The following MND1 variants were observed in gnomAD, a reference collection of about 807,000 sequenced individuals.
MND1 encodes the protein meiotic nuclear division protein 1 homolog.
MND1 carries 28 observed loss-of-function variants against 35.1 expected under a neutral mutation model. The ratio of observed to expected loss-of-function variants is 0.80; its 90% CI spans 0.59 to 1.09. MND1 has a LOEUF of 1.09. MND1 is among the 50% of genes least tolerant of loss of function. The pLI is 0.00. For synonymous variants in MND1, 69 were observed against 70.5 expected (o/e 0.98, Z 0.11); for missense variants, 213 against 239.6 (o/e 0.89, Z 0.73).
chr4:153,390,573 G>A (rs993750754), intron 4 of MND1, among the ~76,000 whole-genome samples: 53 of 152,256 alleles, frequency 3.5e-4, no homozygotes, highest in African/African-American at 1.3e-3. Context: ...CTGGCTGGGT[G>A]TGGTGACTCA....
At chr4:153,409,490 C>T (rs1729621827) in intron 7 of MND1, among the ~76,000 whole-genome samples, 1 of 151,758 alleles carries the variant, frequency 6.6e-6, no homozygotes, top group African/African-American at 2.4e-5. Flanking sequence ...GATTATTATC[C>T]CTAATTTAGG....
At chr4:153,374,986 AC>A (rs1728460043) in intron 4 of MND1, among the ~76,000 whole-genome samples, 1 of 152,166 alleles carries the variant, frequency 6.6e-6, no homozygotes, top group Non-Finnish European at 1.5e-5. Flanking sequence ...CAGAGAATTT[AC>A]ACTTTAATTG....
chr4:153,356,042 C>T (rs2149631778), intron 3 of MND1, among the ~76,000 whole-genome samples: 1 of 152,262 alleles, frequency 6.6e-6, no homozygotes, highest in East Asian at 1.9e-4. Flanking sequence ...GTAGCGCACA[C>T]ACACTTGTAG....
rs565765948 is a variant in MND1 at position 153,379,765 on chromosome 4, G to A, written c.277-14497G>A. The stretch of plus-strand genomic sequence containing the variant: ...CTCAGGAGACTGAAGCAGGAGAATC[G>A]CTTGAACCCGGGAGGCAGAGGTTGC... On this transcript the variant is annotated intron_variant, in intron 4 of 7. Coordinates refer to ENST00000240488, the MANE Select transcript of MND1 (RefSeq NM_032117.4). 4.1e-5 allele frequency among the ~76,000 whole-genome samples: 6 copies of A among 147,094 alleles called. No individual in the cohort carries two copies. In the East Asian group the frequency reaches 8.1e-4, roughly 20 times the overall value.
chr4:153,365,675 C>G (rs1242005116), intron 4 of MND1, among the ~76,000 whole-genome samples: 1 of 152,038 alleles, frequency 6.6e-6, no homozygotes, highest in Non-Finnish European at 1.5e-5. Flanking sequence ...TCATAGCTCA[C>G]TGCAGCCTTC....
chr4:153,403,886 C>A (rs1729411726), intron 6 of MND1, among the ~76,000 whole-genome samples: 1 of 152,042 alleles, frequency 6.6e-6, no homozygotes, highest in Admixed American at 6.6e-5. Flanking sequence ...CTGCCTCAGT[C>A]CCCTGAGTAG....
intron 6 of MND1, among the ~76,000 whole-genome samples, chr4:153,407,631 G>GTT (rs1188246344): frequency 1.3e-5 from 2 of 152,124 alleles, no homozygotes; most frequent in Non-Finnish European, 2.9e-5. Context: ...ATTCGTATTA[G>GTT]CAGAAACAGC....
intron 6 of MND1, among the ~76,000 whole-genome samples, chr4:153,401,176 G>A (rs1729338360): frequency 6.6e-6 from 1 of 152,182 alleles, no homozygotes; most frequent in African/African-American, 2.4e-5. Context: ...GCCAAGGTGA[G>A]TGGATCACTT....
intron 3 of MND1, among the ~76,000 whole-genome samples, 190 bp from the exon 4 acceptor site, chr4:153,358,284 G>A (rs1479008852): frequency 6.6e-6 from 1 of 152,154 alleles, no homozygotes; most frequent in African/African-American, 2.4e-5. Context: ...TTTGCTTAAG[G>A]ATGGGGATAC....
At chr4:153,361,864 G>A (rs1258461255) in intron 4 of MND1, among the ~76,000 whole-genome samples, 1 of 152,012 alleles carries the variant, frequency 6.6e-6, no homozygotes, top group Non-Finnish European at 1.5e-5. Flanking sequence ...AAATTCTAAG[G>A]TGGTATTACT....
chr4:153,387,113 A>G (rs1435363152), intron 4 of MND1, among the ~76,000 whole-genome samples: 1 of 152,264 alleles, frequency 6.6e-6, no homozygotes, highest in African/African-American at 2.4e-5. Flanking sequence ...GTTTCACAAC[A>G]CAGAGATAAC....
At chr4:153,357,367 A>G (rs1347409745) in intron 3 of MND1, among the ~76,000 whole-genome samples, 5 of 152,156 alleles carry the variant, frequency 3.3e-5, no homozygotes, top group African/African-American at 9.7e-5. Context: ...AACAACACCT[A>G]TGTTGTTCAA....
chr4:153,355,373 C>T (rs890193411), intron 2 of MND1, among the ~76,000 whole-genome samples: 4 of 151,786 alleles, frequency 2.6e-5, no homozygotes, highest in Non-Finnish European at 4.4e-5. Context: ...TAGTAGAACA[C>T]GATAGGGTGA....
In MND1 at chr4:153,389,332, T is replaced by C. The variant is rs1418877636; in HGVS notation, c.277-4930T>C. Among the ~76,000 whole-genome samples, 9 of 152,288 alleles carry C rather than the reference T, an allele frequency of 5.9e-5. No individual in the cohort carries two copies. In the South Asian group the frequency reaches 1.9e-3, roughly 32 times the overall value. On this transcript the variant is annotated intron_variant, in intron 4 of 7. Coordinates refer to ENST00000240488, the MANE Select transcript of MND1 (RefSeq NM_032117.4). ...TTGAAGACTTTGCTCTTTAAGGGAA[T>C]ATTATGGTAAATACCTTTTTATTTA...
At position 153,402,905 on chromosome 4, in the gene MND1, C is replaced by T. The variant is rs533370605; in HGVS notation, c.466+5572C>T. Reference sequence around the variant, plus strand: ...CAGTGGTTTATGCTTGTAATCCTAACACTTTGGGAAGATTGCTTGAGCCCA... The same window carrying T: ...CAGTGGTTTATGCTTGTAATCCTAATACTTTGGGAAGATTGCTTGAGCCCA... On this transcript the variant is annotated intron_variant, in intron 6 of 7. Coordinates refer to ENST00000240488, the MANE Select transcript of MND1 (RefSeq NM_032117.4). Among the ~76,000 whole-genome samples, 10 of 152,298 alleles carry T rather than the reference C, an allele frequency of 6.6e-5. No homozygotes were observed. In the South Asian group the frequency reaches 2.1e-3, roughly 32 times the overall value.
intron 4 of MND1, among the ~76,000 whole-genome samples, chr4:153,359,420 G>C (rs143477050): frequency 6.8e-4 from 104 of 152,230 alleles, no homozygotes; most frequent in African/African-American, 2.5e-3. Context: ...ACCACAGTTT[G>C]TTTATCCATT....
intron 4 of MND1, among the ~76,000 whole-genome samples, chr4:153,380,615 A>C (rs1450674006): frequency 2.0e-5 from 3 of 152,212 alleles, no homozygotes; most frequent in African/African-American, 4.8e-5. Context: ...CTCTTAACGA[A>C]GAAGGGCTGG....
intron 7 of MND1, 35 bp from the exon 8 acceptor site, chr4:153,414,716 T>C: frequency 1.0e-6 from 1 of 973,128 alleles, no homozygotes; most frequent in Non-Finnish European, 1.5e-6. Context: ...TATGATTGTG[T>C]TTTTCTCAAA....
chr4:153,413,571 G>A (rs901452382), intron 7 of MND1, among the ~76,000 whole-genome samples: 1 of 151,850 alleles, frequency 6.6e-6, no homozygotes, highest in Non-Finnish European at 1.5e-5. Flanking sequence ...TCTGCCACTC[G>A]TGGGGCTGAG....
Sources: gnomAD v4.1 joint callset for allele counts (sites outside exome capture counted in the v4.1 genomes callset) on GRCh38, gnomAD v4.1.1 for gene constraint, MANE v1.5 for transcripts, NCBI Gene and HGNC (gene_info 2026-07-23, HGNC 2026-07-21) for gene names.